APOOL: variants seen among roughly 807,000 people sequenced by gnomAD.
APOOL encodes MICOS complex subunit MIC27.
A neutral mutation model predicts 23.1 loss-of-function variants in APOOL; 12 were observed. The ratio of observed to expected loss-of-function variants is 0.52; its 90% confidence interval spans 0.33 to 0.84. The LOEUF is 0.84. Among genes scored for constraint, APOOL ranks in the 40% least tolerant of loss-of-function variants. APOOL has a pLI of 0.02. For missense variants in APOOL, 212 were observed against 199.6 expected, an observed-to-expected ratio of 1.06 and a Z score of -0.37; for synonymous variants, 77 against 69.9, an observed-to-expected ratio of 1.10 and a Z score of -0.51.
intron 8 of APOOL, among the ~76,000 whole-genome samples, chrX:85,079,693 G>T (rs1033934372): frequency 9.0e-6 from 1 of 111,563 alleles, no homozygotes; most frequent in Non-Finnish European, 1.9e-5. Context: ...ATCTCTGGTA[G>T]ATTTCGGCTG....
At chrX:85,004,560 A>G (rs1232718214) in intron 1 of APOOL, among the ~76,000 whole-genome samples, 1 of 112,037 alleles carries the variant, frequency 8.9e-6, no homozygotes, top group East Asian at 2.8e-4. Flanking sequence ...GTCTACAGAT[A>G]TTTACGTAGC....
rs1461015663 is a variant in APOOL at position 85,088,456 on chromosome X, A to G, written c.*778A>G. ...CTCTTAAATATCTAAAAACATCTCTACCTATTTGAGAGGGCCATATGCTAC... is the reference window on the plus strand; with the variant it reads ...CTCTTAAATATCTAAAAACATCTCTGCCTATTTGAGAGGGCCATATGCTAC... On this transcript the variant is annotated 3_prime_UTR_variant, in exon 9 of 9. Coordinates refer to ENST00000373173, the MANE Select transcript of APOOL (RefSeq NM_198450.6). The G allele has an allele frequency of 9.7e-6, 1 of 103,296 alleles. No homozygotes were observed. Among genetic ancestry groups the G allele is most frequent in the Admixed American group, 1.1e-4 (1 of 9,217 alleles). The allele number at this position is 103,296 out of a possible 1,213,427, so 8.5% of individuals were successfully genotyped here.
chrX:85,058,308 G>C (rs759883651), intron 5 of APOOL, among the ~76,000 whole-genome samples: 5 of 110,433 alleles, frequency 4.5e-5, no homozygotes, highest in African/African-American at 1.6e-4. Context: ...CCACTTATAA[G>C]TGAGAATGTG....
chrX:85,051,165 G>A, intron 2 of APOOL, among the ~76,000 whole-genome samples: 1 of 111,031 alleles, frequency 9.0e-6, no homozygotes. Flanking sequence ...TAGAACCATT[G>A]GATTATATTA....
intron 1 of APOOL, among the ~76,000 whole-genome samples, chrX:85,021,383 T>A (rs1246574709): frequency 9.0e-6 from 1 of 111,486 alleles, no homozygotes; most frequent in Non-Finnish European, 1.9e-5. Context: ...CCATTTCCAG[T>A]GGCTTCAGGT....
Position 85,093,183 on chromosome X carries a change from A to G in APOOL, c.*5505A>G. 8.6e-7 allele frequency: 1 copy of G among 1,162,337 alleles called. No homozygotes were observed. Among genetic ancestry groups the G allele is most frequent in the Non-Finnish European group, 1.2e-6 (1 of 868,540 alleles). On this transcript the variant is annotated 3_prime_UTR_variant, in exon 9 of 9. Transcript: ENST00000373173. ...AATATCAATACTAATTGTAATACAT[A>G]CCTGACTTAGCCTCTTCAGCATTTC...
intron 8 of APOOL, among the ~76,000 whole-genome samples, chrX:85,075,157 G>A (rs1923795743): frequency 1.8e-5 from 2 of 110,844 alleles, no homozygotes; most frequent in African/African-American, 6.5e-5. Context: ...CTAATTCAGC[G>A]GTTGGGGAAT....
At chrX:85,087,553 G>T in intron 8 of APOOL, 37 bp from the exon 9 acceptor site, 1 of 1,117,021 alleles carries the variant, frequency 9.0e-7, no homozygotes, top group African/African-American at 1.8e-5. Flanking sequence ...AATTTGTTAA[G>T]TGACTAATTT....
chrX:85,080,829 C>T (rs984335690), intron 8 of APOOL, among the ~76,000 whole-genome samples: 2 of 111,604 alleles, frequency 1.8e-5, no homozygotes, highest in Non-Finnish European at 3.8e-5. Context: ...TTGAATTGTT[C>T]CCTTTACCAT....
At position 85,084,974 on chromosome X, in the gene APOOL, G is replaced by A. The variant is rs540260796; in HGVS notation, c.719-2616G>A. Among the ~76,000 whole-genome samples the A allele has an allele frequency of 2.7e-5, 3 of 110,980 alleles. No homozygotes were observed. The Admixed American group carries it at 2.9e-4, about 11-fold the overall frequency. ...CACTTTTCACTTGTACTGAGCAATG[G>A]TTCCCACCAGATGGCAGTAGAGATA... On this transcript the variant is annotated intron_variant, in intron 8 of 8. Transcript: ENST00000373173.
intron 1 of APOOL, among the ~76,000 whole-genome samples, chrX:85,015,204 A>C (rs779332958): frequency 9.0e-6 from 1 of 111,067 alleles, no homozygotes; most frequent in Admixed American, 9.6e-5. Flanking sequence ...ACCTATTTCT[A>C]TGGAAAAGGT....
chrX:85,025,318 G>A (rs1261000898), intron 1 of APOOL, among the ~76,000 whole-genome samples: 2 of 111,763 alleles, frequency 1.8e-5, no homozygotes, highest in South Asian at 3.8e-4. Context: ...TTCAGCATTG[G>A]GGATTGTGAT....
intron 1 of APOOL, among the ~76,000 whole-genome samples, chrX:85,039,568 G>C (rs1385535153): frequency 9.0e-6 from 1 of 111,448 alleles, no homozygotes; most frequent in African/African-American, 3.3e-5. Context: ...CTAAGAACTA[G>C]AACTTACTTT....
rs370700063 is a variant in APOOL at position 85,088,102 on chromosome X, ATTT to A, written c.*425_*427del. ...CATATATGTATAAATACATATACAT[ATTT>A]ATACATATATGTATAAATACATACA... On this transcript the variant is annotated 3_prime_UTR_variant, in exon 9 of 9. Transcript: ENST00000373173. 0.016 allele frequency: 413 copies of A among 26,493 alleles called. 4 individuals are homozygous for A. Among genetic ancestry groups the A allele is most frequent in the Non-Finnish European group, 0.021 (292 of 13,953 alleles). The allele number at this position is 26,493 out of a possible 1,213,427, so 2.2% of individuals were successfully genotyped here. A position where few individuals can be genotyped will look rare whatever the true frequency, so the allele number is the denominator to read the frequency against.
At chrX:85,055,779 T>C in intron 4 of APOOL, 48 bp from the exon 5 acceptor site, 6 of 902,376 alleles carry the variant, frequency 6.6e-6, no homozygotes, top group Non-Finnish European at 9.4e-6. Context: ...GTATAGAATA[T>C]CCAGTAGAAT....
intron 1 of APOOL, among the ~76,000 whole-genome samples, chrX:85,041,792 G>C (rs1434459615): frequency 9.0e-6 from 1 of 111,015 alleles, no homozygotes; most frequent in Non-Finnish European, 1.9e-5. Flanking sequence ...GTGTCTGGGG[G>C]CTTTTGCTGA....
intron 6 of APOOL, among the ~76,000 whole-genome samples, chrX:85,073,472 A>G (rs1487173478): frequency 1.8e-5 from 2 of 111,423 alleles, no homozygotes; most frequent in Non-Finnish European, 3.8e-5. Flanking sequence ...CCTTTCTACC[A>G]AAAAAGAATA....
Position 85,092,519 on chromosome X carries a change from C to T in APOOL, c.*4841C>T, listed in dbSNP as rs375699625. 502 of 1,208,310 alleles carry T rather than the reference C, an allele frequency of 4.2e-4. No individual in the cohort carries two copies. The highest frequency in any genetic ancestry group is 1.4e-3 in the South Asian group (79 of 56,527). On this transcript the variant is annotated 3_prime_UTR_variant, in exon 9 of 9. Coordinates refer to ENST00000373173, the MANE Select transcript of APOOL (RefSeq NM_198450.6). Reference sequence around the variant, plus strand: ...TTGATAGAAGCCTGGTTCCAAATGACGACAAGAAAGTGCATGCAGTTACAT... The same window carrying T: ...TTGATAGAAGCCTGGTTCCAAATGATGACAAGAAAGTGCATGCAGTTACAT...
At chrX:85,010,304 A>G (rs1240307001) in intron 1 of APOOL, among the ~76,000 whole-genome samples, 1 of 111,928 alleles carries the variant, frequency 8.9e-6, no homozygotes, top group Non-Finnish European at 1.9e-5. Flanking sequence ...TCATACGCTT[A>G]TTTGTCATCT....
Sources: gnomAD v4.1 joint callset for allele counts (sites outside exome capture counted in the v4.1 genomes callset) on GRCh38, gnomAD v4.1.1 for gene constraint, MANE v1.5 for transcripts, NCBI Gene and HGNC (gene_info 2026-07-23, HGNC 2026-07-21) for gene names.